The following ATRNL1 variants were observed in gnomAD, a reference collection of about 807,000 sequenced individuals.
The protein encoded by ATRNL1 is attractin like 1.
Under a neutral mutation model 182.7 loss-of-function variants are expected in ATRNL1, and 95 were observed. That is an observed-to-expected ratio of 0.52 (90% CI 0.44 to 0.62). The LOEUF (loss-of-function observed/expected upper bound fraction) is 0.62. Among genes scored for constraint, ATRNL1 ranks in the 20% least tolerant of loss-of-function variants. The pLI is 0.00. For synonymous variants in ATRNL1, 576 were observed against 568.3 expected (o/e 1.01, Z -0.19); for missense variants, 1,471 against 1,679.5 (o/e 0.88, Z 2.17).
chr10:115,728,675 G>T (rs1450395415), intron 27 of ATRNL1, among the ~76,000 whole-genome samples: 1 of 152,048 alleles, frequency 6.6e-6, no homozygotes, highest in African/African-American at 2.4e-5. Flanking sequence ...GCTACTCAAA[G>T]GGTCAGTTTT....
chr10:115,683,049 TA>T (rs1399107832), intron 26 of ATRNL1, among the ~76,000 whole-genome samples: 23 of 152,066 alleles, frequency 1.5e-4, no homozygotes, highest in African/African-American at 5.6e-4. Context: ...AGGCTATTAT[TA>T]AGTACATATT....
At position 115,948,040 on chromosome 10, in the gene ATRNL1, A is replaced by G. The variant is rs1589728836; in HGVS notation, c.*3261A>G. ...TGAATCCACCTATTAATTTTCATCC[A>G]TCTTTTGGTCGTAGGTAAAGGTCAA... is the stretch of plus-strand genomic sequence containing the variant. On this transcript the variant is annotated 3_prime_UTR_variant, in exon 29 of 29. Transcript: ENST00000355044. 1.3e-5 allele frequency: 2 copies of G among 152,168 alleles called. No individual in the cohort carries two copies. The highest frequency in any genetic ancestry group is 4.8e-5 in the African/African-American group (2 of 41,442). The allele number at this position is 152,168 out of a possible 1,614,324, so 9.4% of individuals were successfully genotyped here.
At chr10:115,419,226 A>G (rs1198670344) in intron 20 of ATRNL1, among the ~76,000 whole-genome samples, 2 of 152,194 alleles carry the variant, frequency 1.3e-5, no homozygotes, top group African/African-American at 2.4e-5. Flanking sequence ...ATAACTTATT[A>G]TGACTATAAG....
At chr10:115,675,215 T>C (rs1945822329) in intron 26 of ATRNL1, among the ~76,000 whole-genome samples, 2 of 152,018 alleles carry the variant, frequency 1.3e-5, no homozygotes, top group South Asian at 4.1e-4. Flanking sequence ...ACCTAATCTA[T>C]ACAGAAACTA....
At chr10:115,855,003 A>G (rs1951147488) in intron 28 of ATRNL1, among the ~76,000 whole-genome samples, 2 of 152,136 alleles carry the variant, frequency 1.3e-5, no homozygotes, top group South Asian at 4.1e-4. Flanking sequence ...CTGGAATGAA[A>G]GGTCCTCTCT....
intron 26 of ATRNL1, among the ~76,000 whole-genome samples, chr10:115,714,000 T>C (rs900791014): frequency 6.6e-6 from 1 of 152,226 alleles, no homozygotes; most frequent in Non-Finnish European, 1.5e-5. Context: ...AGCCTTTTTT[T>C]CCATGTGATT....
intron 27 of ATRNL1, among the ~76,000 whole-genome samples, chr10:115,814,268 T>G (rs1950113218): frequency 6.6e-6 from 1 of 152,138 alleles, no homozygotes; most frequent in Non-Finnish European, 1.5e-5. Context: ...ATAACTGTAT[T>G]GAAGAAAATA....
chr10:115,542,955 TCCC>T (rs1852443930), intron 25 of ATRNL1, among the ~76,000 whole-genome samples: 1 of 152,140 alleles, frequency 6.6e-6, no homozygotes, highest in Non-Finnish European at 1.5e-5. Flanking sequence ...CAGATCAGAA[TCCC>T]ATGTTTATAA....
chr10:115,469,325 T>C lies in ATRNL1; in HGVS notation c.3650T>C (p.Ile1217Thr). 6.6e-7 allele frequency: 1 copy of C among 1,518,846 alleles called. No homozygotes were observed. The highest frequency in any genetic ancestry group is 8.8e-7 in the Non-Finnish European group (1 of 1,135,262). The allele number at this position is 1,518,846 out of a possible 1,614,324, so 94.1% of individuals were successfully genotyped here. ...YVSNFSWPIKIQIAFSQHNTI... is the reference protein window; with the variant it reads ...YVSNFSWPIKTQIAFSQHNTI... ...AGCAACTTTTCCTGGCCTATTAAAA[T>C]ACAGGTAAGTGTTAAGAGTATTTAC... Residue 1217 changes from isoleucine (I) to threonine (T), a missense_variant, in exon 24 of 29, where the codon ATA (isoleucine) becomes ACA (threonine). By Grantham distance (89) the Ile-to-Thr change is moderately conservative. Coordinates refer to ENST00000355044, the MANE Select transcript of ATRNL1 (RefSeq NM_207303.4).
intron 26 of ATRNL1, among the ~76,000 whole-genome samples, chr10:115,567,426 A>T (rs1379671303): frequency 6.6e-6 from 1 of 152,168 alleles, no homozygotes; most frequent in Non-Finnish European, 1.5e-5. Flanking sequence ...ATTCAAAATT[A>T]GAGTTTGCCT....
chr10:115,151,238 G>A (rs1554880488), intron 5 of ATRNL1, among the ~76,000 whole-genome samples: 1 of 152,166 alleles, frequency 6.6e-6, no homozygotes, highest in Non-Finnish European at 1.5e-5. Context: ...TATATACCCA[G>A]TAATGGAATG....
At chr10:115,688,553 T>C (rs1593068881) in intron 26 of ATRNL1, among the ~76,000 whole-genome samples, 1 of 152,192 alleles carries the variant, frequency 6.6e-6, no homozygotes, top group East Asian at 1.9e-4. Flanking sequence ...TGGATTTTCC[T>C]GATGATTAGT....
intron 27 of ATRNL1, among the ~76,000 whole-genome samples, chr10:115,824,514 T>G (rs947475313): frequency 6.6e-6 from 1 of 151,820 alleles, no homozygotes; most frequent in African/African-American, 2.4e-5. Context: ...GGGAGAAAAT[T>G]TTTGCAATCT....
intron 27 of ATRNL1, among the ~76,000 whole-genome samples, chr10:115,846,019 A>T (rs967626183): frequency 6.6e-6 from 1 of 152,086 alleles, no homozygotes. Flanking sequence ...TATTCTCTAA[A>T]TATTTACATC....
intron 21 of ATRNL1, among the ~76,000 whole-genome samples, chr10:115,443,852 G>A (rs1368909533): frequency 2.6e-5 from 4 of 151,890 alleles, no homozygotes; most frequent in African/African-American, 7.3e-5. Context: ...TTGTTTTAAC[G>A]GAAGTCTGCA....
chr10:115,538,166 A>T (rs572903494), intron 25 of ATRNL1, among the ~76,000 whole-genome samples: 1 of 152,236 alleles, frequency 6.6e-6, no homozygotes, highest in Non-Finnish European at 1.5e-5. Flanking sequence ...ATCAACATAC[A>T]TACAAGTTTT....
At position 115,215,782 on chromosome 10, in the gene ATRNL1, A is replaced by G. The variant is rs782467560; in HGVS notation, c.1434A>G (p.Thr478=). The G allele has an allele frequency of 1.2e-6, 2 of 1,610,062 alleles. No individual in the cohort carries two copies. Among genetic ancestry groups the G allele is most frequent in the South Asian group, 1.1e-5 (1 of 90,214 alleles). The change falls in exon 9 of 29, where the codon ACA becomes ACG. Residue 478 remains threonine (T), a synonymous_variant. Coordinates refer to ENST00000355044, the MANE Select transcript of ATRNL1 (RefSeq NM_207303.4). ...ATACTAGTGTGTATGATGAAATAACAAAGTCCATTTATGTTCATGGAGGGT... is the reference window on the plus strand; with the variant it reads ...ATACTAGTGTGTATGATGAAATAACGAAGTCCATTTATGTTCATGGAGGGT... The part of the protein sequence containing the change: ...YGHTSVYDEI[T]KSIYVHGGYK...
chr10:115,571,552 C>T (rs898622851), intron 26 of ATRNL1, among the ~76,000 whole-genome samples: 2 of 152,118 alleles, frequency 1.3e-5, no homozygotes, highest in African/African-American at 2.4e-5. Context: ...TGAGACCTTC[C>T]AATGTATTTT....
chr10:115,327,161 G>T (rs1304687363), intron 18 of ATRNL1, among the ~76,000 whole-genome samples: 29 of 151,632 alleles, frequency 1.9e-4, no homozygotes, highest in African/African-American at 6.5e-4. Flanking sequence ...TACAAAATGG[G>T]AGAAAGTTTT....
Sources: gnomAD v4.1 joint callset for allele counts (sites outside exome capture counted in the v4.1 genomes callset) on GRCh38, gnomAD v4.1.1 for gene constraint, MANE v1.5 for transcripts, NCBI Gene and HGNC (gene_info 2026-07-23, HGNC 2026-07-21) for gene names.